RECQL: variants seen among roughly 807,000 people sequenced by gnomAD.
RECQL encodes the protein ATP-dependent DNA helicase Q1.
In RECQL, 73 loss-of-function variants were observed where a neutral mutation model predicts 75.8. The ratio of observed to expected loss-of-function variants is 0.96; its 90% CI spans 0.80 to 1.17. The LOEUF (loss-of-function observed/expected upper bound fraction) is 1.17. RECQL is among the 50% of genes most tolerant of loss of function. The pLI is 0.00. For missense variants in RECQL, 699 were observed against 772.1 expected (o/e 0.91, Z 1.12); for synonymous variants, 248 against 254.4 (o/e 0.97, Z 0.24).
chr12:21,486,032 G>A (rs922317150), intron 5 of RECQL, among the ~76,000 whole-genome samples: 2 of 152,090 alleles, frequency 1.3e-5, no homozygotes, highest in African/African-American at 4.8e-5. Context: ...TTTTAGAATG[G>A]ATAATACAAA....
chr12:21,468,969 C>T lies in RECQL; in HGVS notation c.*1225G>A, dbSNP rs1198615858. Reference sequence around the variant, plus strand: ...TATATCTTTCCAATACAACACTGACCGCTTAGATAAAAATCTTAAGTTATT... The same window carrying T: ...TATATCTTTCCAATACAACACTGACTGCTTAGATAAAAATCTTAAGTTATT... On this transcript the variant is annotated 3_prime_UTR_variant, in exon 15 of 15. Coordinates refer to ENST00000444129, the MANE Select transcript of RECQL (RefSeq NM_002907.4). 2.4e-5 allele frequency: 10 copies of T among 415,374 alleles called. No individual in the cohort carries two copies. Among genetic ancestry groups the T allele is most frequent in the African/African-American group, 1.0e-4 (5 of 49,220 alleles). The allele number at this position is 415,374 out of a possible 1,614,324, so 25.7% of individuals were successfully genotyped here. A position where few individuals can be genotyped will look rare whatever the true frequency, so the allele number is the denominator to read the frequency against.
At chr12:21,496,545 C>G (rs1462423808) in intron 2 of RECQL, among the ~76,000 whole-genome samples, 1 of 152,194 alleles carries the variant, frequency 6.6e-6, no homozygotes, top group African/African-American at 2.4e-5. Context: ...TTGATGATAT[C>G]ATGCTTGTCT....
intron 11 of RECQL, among the ~76,000 whole-genome samples, chr12:21,474,186 A>G (rs1943037651): frequency 6.6e-6 from 1 of 152,068 alleles, no homozygotes; most frequent in South Asian, 2.1e-4. Context: ...AAACCTTAAA[A>G]TATGCTTCAT....
intron 4 of RECQL, among the ~76,000 whole-genome samples, chr12:21,489,102 A>G (rs1221575157): frequency 2.0e-5 from 3 of 152,220 alleles, no homozygotes; most frequent in Non-Finnish European, 4.4e-5. Flanking sequence ...GTACAGACTT[A>G]ATTCCCTATT....
At chr12:21,489,081 A>G (rs987203511) in intron 4 of RECQL, among the ~76,000 whole-genome samples, 9 of 152,216 alleles carry the variant, frequency 5.9e-5, no homozygotes, top group African/African-American at 2.2e-4. Flanking sequence ...CAGCCCCTAG[A>G]CCAGATCTTT....
chr12:21,470,184 A>G lies in RECQL; in HGVS notation c.*10T>C. 6.2e-7 allele frequency: 1 copy of G among 1,610,520 alleles called. No individual in the cohort carries two copies. Among genetic ancestry groups the G allele is most frequent in the East Asian group, 2.2e-5 (1 of 44,764 alleles). On this transcript the variant is annotated 3_prime_UTR_variant, in exon 15 of 15. Transcript: ENST00000444129. ...ACCATCTTTAATTAGAAAATTTAGT[A>G]ACATTCATATCAGGCATCATCGATT...
At chr12:21,479,464 C>T (rs1431450317) in intron 6 of RECQL, among the ~76,000 whole-genome samples, 4 of 151,658 alleles carry the variant, frequency 2.6e-5, no homozygotes, top group East Asian at 2.0e-4. Context: ...GCCATTCTCC[C>T]GCCTTAGCCT....
chr12:21,474,756 G>T, intron 11 of RECQL, 85 bp downstream of exon 11: 1 of 1,312,440 alleles, frequency 7.6e-7, no homozygotes, highest in Non-Finnish European at 1.1e-6. Flanking sequence ...TTCCACCAAT[G>T]TATTTAGTAA....
chr12:21,469,951 T>C lies in RECQL; in HGVS notation c.*243A>G. The C allele has an allele frequency of 2.5e-6, 1 of 396,900 alleles. No homozygotes were observed. The highest frequency in any genetic ancestry group is 4.3e-6 in the Non-Finnish European group (1 of 231,868). The allele number at this position is 396,900 out of a possible 1,614,324, so 24.6% of individuals were successfully genotyped here. On this transcript the variant is annotated 3_prime_UTR_variant, in exon 15 of 15. Coordinates refer to ENST00000444129, the MANE Select transcript of RECQL (RefSeq NM_002907.4). Reference sequence around the variant, plus strand: ...TGTATGAACTTATTCTCAAATATTTTACATTTAAAGGGTTTTACATAAAAA... The same window carrying C: ...TGTATGAACTTATTCTCAAATATTTCACATTTAAAGGGTTTTACATAAAAA...
chr12:21,485,139 C>T (rs191539528), intron 5 of RECQL, among the ~76,000 whole-genome samples: 33 of 150,106 alleles, frequency 2.2e-4, no homozygotes, highest in African/African-American at 7.6e-4. Flanking sequence ...AACCCACTGA[C>T]GCTTAGCATC....
chr12:21,483,466 G>C lies in RECQL; in HGVS notation c.610C>G (p.Leu204Val). 6.2e-7 allele frequency: 1 copy of C among 1,600,682 alleles called. No homozygotes were observed. The highest frequency in any genetic ancestry group is 8.5e-7 in the Non-Finnish European group (1 of 1,176,438). Residue 204 changes from leucine (L) to valine (V), a missense_variant, in exon 6 of 15, where the codon CTA (leucine) becomes GTA (valine). By Grantham distance (32) the Leu-to-Val change is conservative. Transcript: ENST00000444129. ...IAKSKMFMSR[L>V]EKAYEARRFT... ...CTCCTTGCTTCATAGGCTTTCTCTA[G>C]TCTTGACATAAACATTTTGCTTTTT...
chr12:21,499,918 A>T (rs1943575726), intron 1 of RECQL, among the ~76,000 whole-genome samples: 1 of 152,242 alleles, frequency 6.6e-6, no homozygotes, highest in Non-Finnish European at 1.5e-5. Flanking sequence ...CTCAGCAAAC[A>T]TCCACAAGAT....
In RECQL at chr12:21,483,539, AT is replaced by A; in HGVS notation, c.536del (p.Asn179IlefsTer6). On this transcript the variant is annotated frameshift_variant, in exon 6 of 15. Coordinates refer to ENST00000444129, the MANE Select transcript of RECQL (RefSeq NM_002907.4). LOFTEE classifies it high-confidence loss of function. ...HVKWVHAEMV[N>X]KNSELKLIYV... ...AAATCAGCTTTAACTCGGAGTTTTT[AT>A]TTACCATTTCAGCATGAACCCATTT... 1 of 1,580,104 alleles carries A rather than the reference AT, an allele frequency of 6.3e-7. No individual in the cohort carries two copies. The highest frequency in any genetic ancestry group is 8.5e-7 in the Non-Finnish European group (1 of 1,170,808).
intron 4 of RECQL, 59 bp downstream of exon 4, chr12:21,490,140 T>C: frequency 1.1e-6 from 1 of 933,200 alleles, no homozygotes. Context: ...TTAAAAGAAT[T>C]AAAAAGGTAT....
At chr12:21,471,728 G>T (rs1942971264) in intron 12 of RECQL, 81 bp from the exon 13 acceptor site, 6 of 1,111,288 alleles carry the variant, frequency 5.4e-6, no homozygotes, top group Non-Finnish European at 6.7e-6. Flanking sequence ...TAGTTAAACT[G>T]GTTTAAAGCT....
chr12:21,481,052 G>A (rs1943182841), intron 6 of RECQL, among the ~76,000 whole-genome samples: 1 of 152,102 alleles, frequency 6.6e-6, no homozygotes, highest in Non-Finnish European at 1.5e-5. Flanking sequence ...TCAAATAACT[G>A]TCTCCTGACT....
At chr12:21,480,030 T>G (rs1177402552) in intron 6 of RECQL, among the ~76,000 whole-genome samples, 1 of 152,204 alleles carries the variant, frequency 6.6e-6, no homozygotes, top group African/African-American at 2.4e-5. Context: ...AATGTGTCTA[T>G]AATTCAAGCA....
chr12:21,473,984 A>G (rs914515843), intron 11 of RECQL, among the ~76,000 whole-genome samples: 20 of 152,132 alleles, frequency 1.3e-4, no homozygotes, highest in African/African-American at 4.8e-4. Context: ...GTTAGGAATT[A>G]GGACGTGAAC....
chr12:21,473,763 A>G lies in RECQL; in HGVS notation c.1356-121T>C, dbSNP rs1454614772. On this transcript the variant is annotated intron_variant, in intron 11 of 14. Coordinates refer to ENST00000444129, the MANE Select transcript of RECQL (RefSeq NM_002907.4). The stretch of plus-strand genomic sequence containing the variant: ...CCTATAACTGCCATAATATTACCAT[A>G]AACTTAGTGGCTTTAAACACATTTA... The G allele has an allele frequency of 9.4e-6, 7 of 745,000 alleles. No homozygotes were observed. The East Asian group carries it at 1.6e-4, about 17-fold the overall frequency. 46.1% of individuals were successfully genotyped at this position (745,000 alleles called of 1,614,324 possible). A position where few individuals can be genotyped will look rare whatever the true frequency, so the allele number is the denominator to read the frequency against.
Sources: allele counts gnomAD v4.1 joint callset (sites outside exome capture counted in the v4.1 genomes callset), GRCh38; gene constraint gnomAD v4.1.1; transcripts MANE v1.5; gene names NCBI Gene and HGNC (gene_info 2026-07-23, HGNC 2026-07-21).